Variants in NAV2 observed in about 807,000 individuals in gnomAD.
NAV2 encodes the protein helicase, APC down-regulated 1.
Under a neutral mutation model 223.2 loss-of-function variants are expected in NAV2, and 54 were observed. That is an observed-to-expected ratio of 0.24 (90% confidence interval 0.19 to 0.30). NAV2 has a LOEUF of 0.30. NAV2 is among the 10% of genes least tolerant of loss of function. NAV2 has a pLI of 1.00. For synonymous variants in NAV2, 1,279 were observed against 1,239.3 expected (o/e 1.03, Z -0.67); for missense variants, 2,806 against 3,147.5 (o/e 0.89, Z 2.60).
At chr11:19,761,041 G>A (rs141286258) in intron 1 of NAV2, among the ~76,000 whole-genome samples, 2 of 152,264 alleles carry the variant, frequency 1.3e-5, no homozygotes, top group Non-Finnish European at 2.9e-5. Flanking sequence ...CAGCTTACCT[G>A]AGCCCTTTGT....
chr11:20,065,275 G>A (rs1323487322), intron 20 of NAV2, among the ~76,000 whole-genome samples: 1 of 152,190 alleles, frequency 6.6e-6, no homozygotes, highest in Non-Finnish European at 1.5e-5. Context: ...ATGTTAAGTT[G>A]CCACAGACCC....
intron 1 of NAV2, among the ~76,000 whole-genome samples, chr11:19,733,316 A>G (rs1230427478): frequency 6.6e-6 from 1 of 152,206 alleles, no homozygotes; most frequent in Non-Finnish European, 1.5e-5. Flanking sequence ...TCAAATGAGT[A>G]AGATGAGATA....
intron 1 of NAV2, chr11:19,714,615 G>A: frequency 5.3e-6 from 2 of 376,340 alleles, no homozygotes; most frequent in Non-Finnish European, 1.1e-5. Flanking sequence ...GGTGGGGGTG[G>A]GGGTGGAGGT....
At chr11:19,619,666 T>G (rs2046922361) in intron 1 of NAV2, among the ~76,000 whole-genome samples, 1 of 152,244 alleles carries the variant, frequency 6.6e-6, no homozygotes, top group African/African-American at 2.4e-5. Context: ...ATTAGTCCTT[T>G]GTCAGATGGG....
chr11:19,920,823 T>G (rs375710561), intron 6 of NAV2, among the ~76,000 whole-genome samples: 84 of 152,308 alleles, frequency 5.5e-4, no homozygotes, highest in African/African-American at 1.9e-3. Flanking sequence ...TTGGCATTCT[T>G]TCCACTTCAT....
At chr11:19,447,729 G>C (rs1851637870) in intron 1 of NAV2, among the ~76,000 whole-genome samples, 1 of 152,224 alleles carries the variant, frequency 6.6e-6, no homozygotes, top group Non-Finnish European at 1.5e-5. Context: ...ATAAGTCACA[G>C]AAGGTCCCTT....
chr11:20,037,974 G>T (rs1339925509), intron 12 of NAV2, among the ~76,000 whole-genome samples: 1 of 151,972 alleles, frequency 6.6e-6, no homozygotes. Context: ...TAGAGGTACT[G>T]CAGAGAGAGA....
At chr11:19,652,027 G>A (rs1344482697) in intron 1 of NAV2, among the ~76,000 whole-genome samples, 1 of 152,160 alleles carries the variant, frequency 6.6e-6, no homozygotes, top group Non-Finnish European at 1.5e-5. Flanking sequence ...GCATGCTGTG[G>A]GTAATGGTGG....
intron 37 of NAV2, among the ~76,000 whole-genome samples, chr11:20,116,529 T>C (rs1263032701): frequency 6.6e-6 from 1 of 152,242 alleles, no homozygotes; most frequent in Non-Finnish European, 1.5e-5. Flanking sequence ...GGCAAACTCA[T>C]GAGGTCTTAA....
At chr11:19,794,848 T>G (rs1452625993) in intron 1 of NAV2, among the ~76,000 whole-genome samples, 1 of 152,212 alleles carries the variant, frequency 6.6e-6, no homozygotes, top group Non-Finnish European at 1.5e-5. Context: ...TTAATATTCA[T>G]TTATTTGAAT....
chr11:19,502,132 C>A (rs1341686465), intron 1 of NAV2, among the ~76,000 whole-genome samples: 1 of 152,126 alleles, frequency 6.6e-6, no homozygotes, highest in Non-Finnish European at 1.5e-5. Context: ...TGGAAGAGAT[C>A]TAAGATACTC....
At chr11:19,408,650 G>A (rs2702630) in intron 1 of NAV2, among the ~76,000 whole-genome samples, 99,833 of 152,058 alleles carry the variant, frequency 0.66, 32,934 homozygotes, top group East Asian at 0.74. Flanking sequence ...CTTGAACCTC[G>A]CAACAACCTT....
At chr11:19,469,890 TAGA>T (rs1387561783) in intron 1 of NAV2, among the ~76,000 whole-genome samples, 3 of 152,214 alleles carry the variant, frequency 2.0e-5, no homozygotes, top group African/African-American at 7.2e-5. Context: ...TCTGTCTTCT[TAGA>T]AGGAGGAAAG....
At chr11:19,905,611 A>T (rs1314823102) in intron 6 of NAV2, among the ~76,000 whole-genome samples, 1 of 152,182 alleles carries the variant, frequency 6.6e-6, no homozygotes, top group Non-Finnish European at 1.5e-5. Flanking sequence ...TCTGACCTTC[A>T]GTAATGAACC....
intron 1 of NAV2, among the ~76,000 whole-genome samples, chr11:19,696,271 C>T (rs2049338036): frequency 6.6e-6 from 1 of 152,238 alleles, no homozygotes; most frequent in Admixed American, 6.5e-5. Flanking sequence ...CCAGTGTTCC[C>T]ATCTGGAATT....
chr11:19,667,298 A>C (rs1234166647), intron 1 of NAV2, among the ~76,000 whole-genome samples: 1 of 152,082 alleles, frequency 6.6e-6, no homozygotes, highest in Non-Finnish European at 1.5e-5. Context: ...GGGATTGAAA[A>C]CTCAGTAAGG....
At chr11:19,740,588 A>G (rs531653305) in intron 1 of NAV2, among the ~76,000 whole-genome samples, 183 of 152,336 alleles carry the variant, frequency 1.2e-3, no homozygotes, top group African/African-American at 4.1e-3. Flanking sequence ...AATAAAAATA[A>G]AAAGAACACA....
In NAV2 at chr11:19,607,042, A is replaced by G. The variant is rs76196026; in HGVS notation, c.76-225442A>G. 4.1e-3 allele frequency among the ~76,000 whole-genome samples: 631 copies of G among 152,342 alleles called. 2 individuals carry two copies. The highest frequency in any genetic ancestry group is 0.014 in the African/African-American group (600 of 41,572). On this transcript the variant is annotated intron_variant, in intron 1 of 37. Coordinates refer to the NAV2 transcript ENST00000360655. ...GCCAGCTCCCAGGCCAGGGAAGGAAAAGAAGGGTCTGCTTACAGCTGGGCT... is the reference window on the plus strand; with the variant it reads ...GCCAGCTCCCAGGCCAGGGAAGGAAGAGAAGGGTCTGCTTACAGCTGGGCT...
At chr11:19,916,117 C>G (rs2043784980) in intron 6 of NAV2, among the ~76,000 whole-genome samples, 1 of 152,134 alleles carries the variant, frequency 6.6e-6, no homozygotes, top group Admixed American at 6.5e-5. Flanking sequence ...ACAGTATATA[C>G]TTAATAAGTT....
Sources: allele counts gnomAD v4.1 joint callset (sites outside exome capture counted in the v4.1 genomes callset), GRCh38; gene constraint gnomAD v4.1.1; transcripts MANE v1.5; gene names NCBI Gene and HGNC (gene_info 2026-07-23, HGNC 2026-07-21).